Variants in TRIO observed in about 807,000 individuals in gnomAD.
TRIO encodes trio Rho guanine nucleotide exchange factor.
TRIO carries 58 observed loss-of-function variants against 351.9 expected under a neutral mutation model. The ratio of observed to expected loss-of-function variants is 0.16; its 90% CI spans 0.13 to 0.21. The LOEUF (loss-of-function observed/expected upper bound fraction) is 0.21. TRIO is among the 10% of genes least tolerant of loss of function. The pLI is 1.00. For synonymous variants in TRIO, 1,758 were observed against 1,595.7 expected, an observed-to-expected ratio of 1.10 and a Z score of -2.42; for missense variants, 3,201 against 4,027.8, an observed-to-expected ratio of 0.79 and a Z score of 5.56.
At chr5:14,223,770 CTT>C (rs1792803800) in intron 1 of TRIO, among the ~76,000 whole-genome samples, 1 of 152,142 alleles carries the variant, frequency 6.6e-6, no homozygotes, top group African/African-American at 2.4e-5. Flanking sequence ...GGCACATGTG[CTT>C]CCTCTCTTTG....
chr5:14,156,241 G>A (rs1019194833), intron 1 of TRIO, among the ~76,000 whole-genome samples: 1 of 152,098 alleles, frequency 6.6e-6, no homozygotes, highest in Non-Finnish European at 1.5e-5. Context: ...TGCACCTTGT[G>A]CTTTCCTTGC....
At chr5:14,185,540 G>A (rs1188415897) in intron 1 of TRIO, among the ~76,000 whole-genome samples, 2 of 152,206 alleles carry the variant, frequency 1.3e-5, no homozygotes, top group Admixed American at 6.5e-5. Flanking sequence ...GCCCCTGCCT[G>A]CACTTAGGCA....
At chr5:14,502,223 A>G (rs1397263322) in intron 53 of TRIO, among the ~76,000 whole-genome samples, 1 of 152,182 alleles carries the variant, frequency 6.6e-6, no homozygotes, top group African/African-American at 2.4e-5. Flanking sequence ...ATAGAAGCAA[A>G]AAGAGGCCAC....
chr5:14,227,986 T>C (rs1352624614), intron 1 of TRIO, among the ~76,000 whole-genome samples: 1 of 152,104 alleles, frequency 6.6e-6, no homozygotes, highest in African/African-American at 2.4e-5. Context: ...ATTCCATTAA[T>C]AGATGCCTAT....
At chr5:14,234,402 G>T (rs1254825884) in intron 1 of TRIO, among the ~76,000 whole-genome samples, 2 of 152,154 alleles carry the variant, frequency 1.3e-5, no homozygotes, top group East Asian at 3.8e-4. Flanking sequence ...AGCTGCCCTG[G>T]CATTTTTAAC....
At chr5:14,145,356 G>A (rs186084885) in intron 1 of TRIO, among the ~76,000 whole-genome samples, 6 of 152,146 alleles carry the variant, frequency 3.9e-5, no homozygotes, top group Admixed American at 6.5e-5. Flanking sequence ...TAGCAGATTG[G>A]TTGTGGCTGG....
At chr5:14,494,219 C>T (rs866872847) in intron 49 of TRIO, among the ~76,000 whole-genome samples, 3 of 152,036 alleles carry the variant, frequency 2.0e-5, no homozygotes, top group Non-Finnish European at 4.4e-5. Flanking sequence ...AACATGAAGC[C>T]GGTTTTGCTG....
At chr5:14,426,961 C>CT (rs1336341154) in intron 34 of TRIO, among the ~76,000 whole-genome samples, 4 of 152,230 alleles carry the variant, frequency 2.6e-5, no homozygotes, top group East Asian at 3.9e-4. Context: ...ATGTACACAG[C>CT]TTTTTTACCA....
Position 14,270,871 on chromosome 5 carries a change from T to G in TRIO, c.204T>G (p.Ile68Met). 6.2e-7 allele frequency: 1 copy of G among 1,614,074 alleles called. No individual in the cohort carries two copies. Among genetic ancestry groups the G allele is most frequent in the Non-Finnish European group, 8.5e-7 (1 of 1,179,980 alleles). ...DEMKAMDVLP[I>M]LKEKVAYLSG... is the part of the protein sequence containing the mutation. ...TGAAAGCTATGGATGTTTTACCAAT[T>G]TTGAAGGAAAAAGTTGCATACCTTT... The change falls in exon 2 of 57, where the codon ATT (isoleucine) becomes ATG (methionine). Residue 68 changes from isoleucine to methionine, a missense_variant. By Grantham distance (10) the Ile-to-Met change is conservative. Coordinates refer to ENST00000344204, the MANE Select transcript of TRIO (RefSeq NM_007118.4).
chr5:14,391,699 GT>G (rs1455050140), intron 27 of TRIO, among the ~76,000 whole-genome samples: 1 of 152,256 alleles, frequency 6.6e-6, no homozygotes. Flanking sequence ...AGTGTGCATA[GT>G]TTGGTGCATA....
chr5:14,162,072 A>G (rs1561150208), intron 1 of TRIO, among the ~76,000 whole-genome samples: 1 of 152,180 alleles, frequency 6.6e-6, no homozygotes, highest in Non-Finnish European at 1.5e-5. Context: ...AGTTATGCCA[A>G]GGCACAGTAT....
chr5:14,172,535 C>T (rs982943431), intron 1 of TRIO, among the ~76,000 whole-genome samples: 2 of 152,104 alleles, frequency 1.3e-5, no homozygotes, highest in Non-Finnish European at 2.9e-5. Context: ...GACAGGTTAA[C>T]AACAGTTGAT....
intron 11 of TRIO, among the ~76,000 whole-genome samples, chr5:14,347,867 A>G (rs1742574714): frequency 6.6e-6 from 1 of 152,232 alleles, no homozygotes; most frequent in African/African-American, 2.4e-5. Context: ...TTCAGATCCC[A>G]ACAGATCTCA....
At chr5:14,195,460 C>T (rs1790715616) in intron 1 of TRIO, among the ~76,000 whole-genome samples, 1 of 152,156 alleles carries the variant, frequency 6.6e-6, no homozygotes, top group African/African-American at 2.4e-5. Flanking sequence ...AAGATGGTGT[C>T]CGCCAACTCC....
chr5:14,451,835 T>C (rs995530274), intron 34 of TRIO, among the ~76,000 whole-genome samples: 1 of 152,258 alleles, frequency 6.6e-6, no homozygotes, highest in Non-Finnish European at 1.5e-5. Flanking sequence ...TGTATCCTGG[T>C]TAGAGTTTTT....
intron 1 of TRIO, among the ~76,000 whole-genome samples, chr5:14,265,169 A>G (rs1795596609): frequency 6.6e-6 from 1 of 151,928 alleles, no homozygotes; most frequent in Non-Finnish European, 1.5e-5. Flanking sequence ...CAGGCAAATG[A>G]AACCCCTGAG....
At chr5:14,308,721 C>G (rs1249111827) in intron 8 of TRIO, among the ~76,000 whole-genome samples, 1 of 86,002 alleles carries the variant, frequency 1.2e-5, no homozygotes, top group African/African-American at 7.2e-5. Context: ...ATTCATTTGT[C>G]CATCCATCCA....
At position 14,472,666 on chromosome 5, in the gene TRIO, T is replaced by C; in HGVS notation, c.5979+8T>C. The stretch of plus-strand genomic sequence containing the variant: ...CTTGGCTATGTGGTTGAGGTGTGTA[T>C]TGCCAGAAATTTAGTATCTTCGTAT... On this transcript the variant is annotated splice_region_variant and intron_variant, in intron 39 of 56. Transcript: ENST00000344204. 3.1e-6 allele frequency: 5 copies of C among 1,613,420 alleles called. No individual in the cohort carries two copies. Among genetic ancestry groups the C allele is most frequent in the Non-Finnish European group, 3.4e-6 (4 of 1,179,514 alleles).
rs185059463 is a variant in TRIO at position 14,223,176 on chromosome 5, G to A, written c.158-47649G>A. Among the ~76,000 whole-genome samples the A allele has an allele frequency of 5.1e-4, 78 of 152,284 alleles. No individual in the cohort carries two copies. The East Asian group carries it at 9.3e-3, about 18-fold the overall frequency. ...CAGTGGCAGAGAGTTATGTGACAGC[G>A]TCTATCCCTGAGAGTTCTTCCAGAT... On this transcript the variant is annotated intron_variant, in intron 1 of 56. Transcript: ENST00000344204.
Sources: gnomAD v4.1 joint callset for allele counts (sites outside exome capture counted in the v4.1 genomes callset) on GRCh38, gnomAD v4.1.1 for gene constraint, MANE v1.5 for transcripts, NCBI Gene and HGNC (gene_info 2026-07-23, HGNC 2026-07-21) for gene names.